The following FAM193A variants were observed in gnomAD, a reference collection of about 807,000 sequenced individuals.
FAM193A encodes the protein family with sequence similarity 193 member A, also known as protein FAM193A.
FAM193A carries 22 observed loss-of-function variants against 126.5 expected under a neutral mutation model. That is an observed-to-expected ratio of 0.17 (90% CI 0.12 to 0.25). FAM193A has a LOEUF of 0.25. Ranked by LOEUF, FAM193A falls within the 10% of genes least tolerant of loss-of-function variation. FAM193A has a pLI of 1.00. For missense variants in FAM193A, 1,675 were observed against 1,672.8 expected, an observed-to-expected ratio of 1.00 and a Z score of -0.02; for synonymous variants, 761 against 646.8, an observed-to-expected ratio of 1.18 and a Z score of -2.68.
At chr4:2,645,974 A>G (rs1269648929) in intron 6 of FAM193A, among the ~76,000 whole-genome samples, 2 of 151,924 alleles carry the variant, frequency 1.3e-5, no homozygotes, top group East Asian at 3.8e-4. Context: ...AGCCAGTTGT[A>G]TTTTCAAGAG....
In FAM193A at chr4:2,570,937, A is replaced by T. The variant is rs117645008; in HGVS notation, c.256-25147A>T. 3.5e-4 allele frequency among the ~76,000 whole-genome samples: 54 copies of T among 152,212 alleles called. No individual in the cohort carries two copies. The East Asian group carries it at 9.8e-3, about 28-fold the overall frequency. On this transcript the variant is annotated intron_variant, in intron 1 of 20. Transcript: ENST00000637812. The stretch of plus-strand genomic sequence containing the variant: ...AGGGCCTATTTCTCTTCTGCCGTAC[A>T]CTTCCTCCCCTACCTCTGCCTGTTG...
At chr4:2,595,151 C>G (rs984420000) in intron 1 of FAM193A, among the ~76,000 whole-genome samples, 5 of 151,982 alleles carry the variant, frequency 3.3e-5, no homozygotes, top group Non-Finnish European at 5.9e-5. Context: ...TGGGTTTTAG[C>G]AATCCTCTCA....
chr4:2,672,828 C>T (rs927314152), intron 13 of FAM193A, among the ~76,000 whole-genome samples: 20 of 152,176 alleles, frequency 1.3e-4, no homozygotes, highest in African/African-American at 4.6e-4. Context: ...TAGAAATACA[C>T]GAGCCTAAAT....
chr4:2,567,250 AGCCACCACGCCCGGC>A (rs1216442149), intron 1 of FAM193A, among the ~76,000 whole-genome samples: 2 of 152,022 alleles, frequency 1.3e-5, no homozygotes, highest in African/African-American at 4.8e-5. Context: ...GCCCGGCCTG[AGCCACCACGCCCGGC>A]CTGACTAGCT....
chr4:2,599,739 G>GT (rs34438355), intron 2 of FAM193A, among the ~76,000 whole-genome samples: 4,296 of 143,832 alleles, frequency 0.03, 178 homozygotes, highest in African/African-American at 0.091. Flanking sequence ...TCTTGCCATA[G>GT]TTTTTTTTTT....
intron 19 of FAM193A, among the ~76,000 whole-genome samples, chr4:2,703,433 G>A (rs1717960434): frequency 6.6e-6 from 1 of 152,144 alleles, no homozygotes; most frequent in Non-Finnish European, 1.5e-5. Context: ...TTTTAATAGA[G>A]ATGAGGTTTC....
Position 2,716,009 on chromosome 4 carries a change from C to G in FAM193A, c.4373-14C>G, listed in dbSNP as rs759559984. On this transcript the variant is annotated splice_polypyrimidine_tract_variant and intron_variant, in intron 19 of 20. Transcript: ENST00000637812. Reference sequence around the variant, plus strand: ...TGCTGTAATTTGACTTGCTGCTTCTCTTTTGTTTTACAGATGATGTCTTTC... The same window carrying G: ...TGCTGTAATTTGACTTGCTGCTTCTGTTTTGTTTTACAGATGATGTCTTTC... 2 of 1,503,216 alleles carry G rather than the reference C, an allele frequency of 1.3e-6. No individual in the cohort carries two copies. Among genetic ancestry groups the G allele is most frequent in the Non-Finnish European group, 1.9e-6 (2 of 1,078,838 alleles). The allele number at this position is 1,503,216 out of a possible 1,614,324, so 93.1% of individuals were successfully genotyped here.
intron 5 of FAM193A, among the ~76,000 whole-genome samples, chr4:2,632,103 A>G (rs143068185): frequency 1.3e-5 from 2 of 152,102 alleles, no homozygotes; most frequent in Non-Finnish European, 2.9e-5. Flanking sequence ...GCAGGTGGGG[A>G]CTTGGACTCT....
chr4:2,689,664 G>C lies in FAM193A; in HGVS notation c.2490G>C (p.Lys830Asn). 1 of 1,575,276 alleles carries C rather than the reference G, an allele frequency of 6.3e-7. No homozygotes were observed. Among genetic ancestry groups the C allele is most frequent in the African/African-American group, 1.4e-5 (1 of 72,368 alleles). ...GGGGATCAGAAGTGATGAATGATAA[G>C]AACTGGAATCCTGGCACTTTCTTGC... ...SLWGSEVMND[K>N]NWNPGTFLPD... is the part of the protein sequence containing the mutation. The change falls in exon 14 of 21, where the codon AAG becomes AAC. Residue 830 changes from lysine to asparagine, a missense_variant. Physicochemically the swap from Lys to Asn is moderately conservative, Grantham distance 94 (BLOSUM62 0). This residue lies in a region of FAM193A where 1,186 missense variants were observed against 1,109.2 expected (regional missense o/e 1.07). Coordinates refer to ENST00000637812, the MANE Select transcript of FAM193A (RefSeq NM_001366318.2).
intron 13 of FAM193A, among the ~76,000 whole-genome samples, chr4:2,678,628 G>T (rs1357118827): frequency 2.0e-5 from 3 of 152,156 alleles, no homozygotes; most frequent in Non-Finnish European, 4.4e-5. Context: ...TTCCCAAAGT[G>T]CTGGGATTAC....
intron 20 of FAM193A, among the ~76,000 whole-genome samples, chr4:2,725,582 G>C (rs148313417): frequency 5.3e-5 from 8 of 151,396 alleles, no homozygotes; most frequent in African/African-American, 1.5e-4. Flanking sequence ...ACTCTAGATA[G>C]AGTGTGGCCA....
chr4:2,637,279 A>T (rs574093813), intron 5 of FAM193A, among the ~76,000 whole-genome samples: 1 of 152,270 alleles, frequency 6.6e-6, no homozygotes, highest in African/African-American at 2.4e-5. Context: ...GTGAGCCAAG[A>T]TTACACCACT....
At chr4:2,563,598 A>ATGTG (rs1738762374) in intron 1 of FAM193A, among the ~76,000 whole-genome samples, 1 of 152,204 alleles carries the variant, frequency 6.6e-6, no homozygotes, top group Non-Finnish European at 1.5e-5. Flanking sequence ...ATCAGAGATA[A>ATGTG]TGCTAATAGT....
intron 13 of FAM193A, among the ~76,000 whole-genome samples, chr4:2,683,284 CT>C (rs200488691): frequency 1.9e-3 from 273 of 141,952 alleles, no homozygotes; most frequent in Middle Eastern, 3.6e-3. Flanking sequence ...AAGATTTTCT[CT>C]TTTTTTTTTT....
chr4:2,617,560 G>C (rs1051722930), intron 2 of FAM193A, among the ~76,000 whole-genome samples: 1 of 151,648 alleles, frequency 6.6e-6, no homozygotes, highest in Non-Finnish European at 1.5e-5. Flanking sequence ...CACCGCGTCT[G>C]GCCTATGAAT....
intron 12 of FAM193A, among the ~76,000 whole-genome samples, chr4:2,664,133 C>A (rs61790233): frequency 6.6e-6 from 1 of 152,048 alleles, no homozygotes; most frequent in Non-Finnish European, 1.5e-5. Context: ...ATCTCCTTAC[C>A]AGTTTTTTCT....
intron 19 of FAM193A, among the ~76,000 whole-genome samples, chr4:2,704,530 A>G (rs1577240382): frequency 1.4e-5 from 2 of 143,344 alleles, no homozygotes. Context: ...ACGCCACTGC[A>G]TTCCAGTCTG....
At chr4:2,638,065 G>A (rs1421051690) in intron 5 of FAM193A, among the ~76,000 whole-genome samples, 3 of 152,224 alleles carry the variant, frequency 2.0e-5, no homozygotes, top group Admixed American at 6.5e-5. Context: ...AGACAGGCAG[G>A]TGGAAATGGC....
intron 19 of FAM193A, among the ~76,000 whole-genome samples, chr4:2,702,154 G>GT (rs951549784): frequency 6.6e-6 from 1 of 152,046 alleles, no homozygotes; most frequent in Non-Finnish European, 1.5e-5. Flanking sequence ...AACCTCATGT[G>GT]TTTTTTTCAT....
Sources: allele counts gnomAD v4.1 joint callset (sites outside exome capture counted in the v4.1 genomes callset), GRCh38; gene constraint gnomAD v4.1.1; regional missense constraint gnomAD v4.1.1; transcripts MANE v1.5; gene names NCBI Gene and HGNC (gene_info 2026-07-23, HGNC 2026-07-21).